HCN1: variants seen among roughly 807,000 people sequenced by gnomAD.
HCN1 encodes the protein potassium/sodium hyperpolarization-activated cyclic nucleotide-gated channel 1.
A neutral mutation model predicts 78.9 loss-of-function variants in HCN1; 13 were observed. That is an observed-to-expected ratio of 0.16 (90% CI 0.11 to 0.26). The LOEUF (loss-of-function observed/expected upper bound fraction) is 0.26. Ranked by LOEUF, HCN1 falls within the 10% of genes least tolerant of loss-of-function variation. The pLI, the probability that HCN1 is intolerant of heterozygous loss-of-function variation, is 1.00. For missense variants in HCN1, 810 were observed against 1,154.3 expected (o/e 0.70, Z 4.32); for synonymous variants, 552 against 455.5 (o/e 1.21, Z -2.70).
At chr5:45,377,227 T>C (rs1747700627) in intron 4 of HCN1, among the ~76,000 whole-genome samples, 1 of 151,836 alleles carries the variant, frequency 6.6e-6, no homozygotes, top group Non-Finnish European at 1.5e-5. Flanking sequence ...CAACCATAGA[T>C]CAAGAAAAAT....
chr5:45,375,038 T>C (rs116508522), intron 4 of HCN1, among the ~76,000 whole-genome samples: 7,007 of 131,780 alleles, frequency 0.053, 273 homozygotes, highest in East Asian at 0.12. Context: ...CAGTATATAC[T>C]CAAAGGAATG....
At chr5:45,674,167 C>T (rs1304310759) in intron 1 of HCN1, among the ~76,000 whole-genome samples, 1 of 150,948 alleles carries the variant, frequency 6.6e-6, no homozygotes, top group East Asian at 1.9e-4. Context: ...ATAGATATAT[C>T]ACATATATGC....
At position 45,254,981 on chromosome 5, in the gene HCN1, A is replaced by G. The variant is rs1020967083; in HGVS notation, c.*6940T>C. On this transcript the variant is annotated 3_prime_UTR_variant, in exon 8 of 8. Coordinates refer to ENST00000303230, the MANE Select transcript of HCN1 (RefSeq NM_021072.4). ...ACATTCATTTATTTTTATAATGTCA[A>G]TGTATTATTGATAGCATTAAAAATG... 6.6e-6 allele frequency: 1 copy of G among 152,242 alleles called. No individual in the cohort carries two copies. The highest frequency in any genetic ancestry group is 2.4e-5 in the African/African-American group (1 of 41,444). 9.4% of individuals were successfully genotyped at this position (152,242 alleles called of 1,614,324 possible).
chr5:45,461,553 T>C lies in HCN1; in HGVS notation c.1011+293A>G, dbSNP rs139922498. On this transcript the variant is annotated intron_variant, in intron 3 of 7. Coordinates refer to ENST00000303230, the MANE Select transcript of HCN1 (RefSeq NM_021072.4). Reference sequence around the variant, plus strand: ...GCATTTTTGAAAGAATGCTGTACTGTGGTAATATTTTATGATTGTATCTTT... The same window carrying C: ...GCATTTTTGAAAGAATGCTGTACTGCGGTAATATTTTATGATTGTATCTTT... Among the ~76,000 whole-genome samples, 3 of 152,240 alleles carry C rather than the reference T, an allele frequency of 2.0e-5. No homozygotes were observed. The East Asian group carries it at 5.8e-4, about 29-fold the overall frequency.
At chr5:45,681,388 C>A (rs1023923265) in intron 1 of HCN1, among the ~76,000 whole-genome samples, 7 of 152,054 alleles carry the variant, frequency 4.6e-5, no homozygotes, top group Admixed American at 4.6e-4. Flanking sequence ...AGTTTTGCAT[C>A]TTTTCAGACT....
chr5:45,677,989 T>TACACACACAC lies in HCN1; in HGVS notation c.425+17670_425+17679dup, dbSNP rs200866112. The stretch of plus-strand genomic sequence containing the variant: ...AAGATTAAACACATACACACACACA[T>TACACACACAC]ACACACACACACACACACACACACA... On this transcript the variant is annotated intron_variant, in intron 1 of 7. Coordinates refer to ENST00000303230, the MANE Select transcript of HCN1 (RefSeq NM_021072.4). Among the ~76,000 whole-genome samples, 135 of 94,158 alleles carry TACACACACAC rather than the reference T, an allele frequency of 1.4e-3. 1 individual carries two copies. Among genetic ancestry groups the TACACACACAC allele is most frequent in the African/African-American group, 4.7e-3 (130 of 27,500 alleles). The allele number at this position is 94,158 out of a possible 152,430, so 61.8% of individuals were successfully genotyped here.
chr5:45,351,255 G>C (rs1181191444), intron 5 of HCN1, among the ~76,000 whole-genome samples: 1 of 151,242 alleles, frequency 6.6e-6, no homozygotes, highest in Non-Finnish European at 1.5e-5. Flanking sequence ...TGACAAACCT[G>C]AGAAAAACAA....
chr5:45,600,184 TAC>T (rs879527003), intron 2 of HCN1, among the ~76,000 whole-genome samples: 5 of 151,434 alleles, frequency 3.3e-5, no homozygotes, highest in East Asian at 1.9e-4. Context: ...CTCTCTCTCT[TAC>T]ACACACACAC....
At chr5:45,298,761 T>A (rs1295117241) in intron 6 of HCN1, among the ~76,000 whole-genome samples, 1 of 151,966 alleles carries the variant, frequency 6.6e-6, no homozygotes, top group Non-Finnish European at 1.5e-5. Context: ...CGCTCCTTAC[T>A]TGTGGGCTGT....
At chr5:45,376,093 TATA>T (rs1747647439) in intron 4 of HCN1, among the ~76,000 whole-genome samples, 1 of 111,206 alleles carries the variant, frequency 9.0e-6, no homozygotes, top group Non-Finnish European at 1.6e-5. Context: ...TTATATTATA[TATA>T]ATATAATGTT....
chr5:45,527,707 T>A (rs186123375), intron 2 of HCN1, among the ~76,000 whole-genome samples: 10 of 152,058 alleles, frequency 6.6e-5, no homozygotes, highest in Admixed American at 5.2e-4. Flanking sequence ...GCCCAGAAAC[T>A]TCCTTCACAT....
chr5:45,379,153 G>C (rs769478833), intron 4 of HCN1, among the ~76,000 whole-genome samples: 1 of 152,006 alleles, frequency 6.6e-6, no homozygotes, highest in African/African-American at 2.4e-5. Flanking sequence ...GGGATGGTTC[G>C]GTCAAATGGT....
chr5:45,406,518 A>G (rs1331781280), intron 3 of HCN1, among the ~76,000 whole-genome samples: 1 of 152,170 alleles, frequency 6.6e-6, no homozygotes, highest in African/African-American at 2.4e-5. Context: ...TAGTTCACAC[A>G]CTTGTAGGTG....
Position 45,444,382 on chromosome 5 carries a change from T to A in HCN1, c.1011+17464A>T, listed in dbSNP as rs867385843. Among the ~76,000 whole-genome samples, 2 of 152,194 alleles carry A rather than the reference T, an allele frequency of 1.3e-5. 1 individual carries two copies. The highest frequency in any genetic ancestry group is 4.1e-4 in the South Asian group (2 of 4,828). ...ATCTACTAGTTAGAAAATAATTGCC[T>A]GAGGAATCAAAATATCTTAGTATTT... On this transcript the variant is annotated intron_variant, in intron 3 of 7. Coordinates refer to ENST00000303230, the MANE Select transcript of HCN1 (RefSeq NM_021072.4).
chr5:45,601,867 T>C (rs377194942), intron 2 of HCN1, among the ~76,000 whole-genome samples: 9 of 152,086 alleles, frequency 5.9e-5, no homozygotes, highest in African/African-American at 1.7e-4. Flanking sequence ...CCTAATATGG[T>C]TGGGCTGTAT....
At chr5:45,427,046 G>A (rs1740366466) in intron 3 of HCN1, among the ~76,000 whole-genome samples, 2 of 151,776 alleles carry the variant, frequency 1.3e-5, no homozygotes, top group South Asian at 2.1e-4. Context: ...CCTATAATAT[G>A]ACACACATAT....
At chr5:45,305,942 A>T (rs1046954039) in intron 5 of HCN1, among the ~76,000 whole-genome samples, 1 of 152,070 alleles carries the variant, frequency 6.6e-6, no homozygotes, top group African/African-American at 2.4e-5. Context: ...TCTCGTTGGG[A>T]GATGGTTACT....
intron 3 of HCN1, among the ~76,000 whole-genome samples, chr5:45,400,354 A>C (rs1305332863): frequency 6.7e-6 from 1 of 149,598 alleles, no homozygotes; most frequent in Non-Finnish European, 1.5e-5. Context: ...CTGTGTATAC[A>C]TGCTCTTAAA....
At chr5:45,548,979 G>T (rs1176495927) in intron 2 of HCN1, among the ~76,000 whole-genome samples, 1 of 151,158 alleles carries the variant, frequency 6.6e-6, no homozygotes, top group African/African-American at 2.4e-5. Flanking sequence ...ACAAACCACT[G>T]CTCAATGAAA....
Sources: allele counts gnomAD v4.1 joint callset (sites outside exome capture counted in the v4.1 genomes callset), GRCh38; gene constraint gnomAD v4.1.1; transcripts MANE v1.5; gene names NCBI Gene and HGNC (gene_info 2026-07-23, HGNC 2026-07-21).